Variants in CBLN2 observed in about 807,000 individuals in gnomAD.
The protein encoded by CBLN2 is cerebellin-2.
A neutral mutation model predicts 15.0 loss-of-function variants in CBLN2; 7 were observed. The observed-to-expected ratio is 0.47, with a 90% CI of 0.27 to 0.88. CBLN2 has a LOEUF of 0.88. Among genes scored for constraint, CBLN2 ranks in the 40% least tolerant of loss-of-function variants. The pLI is 0.14. For missense variants in CBLN2, 242 were observed against 304.5 expected (o/e 0.79, Z 1.53); for synonymous variants, 149 against 135.2 (o/e 1.10, Z -0.71).
chr18:72,574,333 T>C (rs1199191463), intron 1 of CBLN2, among the ~76,000 whole-genome samples: 5 of 152,208 alleles, frequency 3.3e-5, no homozygotes, highest in Non-Finnish European at 2.9e-5. Flanking sequence ...AAAGAAATCA[T>C]CGCCACTTAC....
intron 1 of CBLN2, among the ~76,000 whole-genome samples, chr18:72,586,737 C>A (rs1008315429): frequency 6.6e-6 from 1 of 151,994 alleles, no homozygotes; most frequent in Non-Finnish European, 1.5e-5. Flanking sequence ...GAAAAAGGAG[C>A]CATATATTGG....
intron 1 of CBLN2, among the ~76,000 whole-genome samples, chr18:72,603,128 G>T (rs1262079076): frequency 6.6e-6 from 1 of 152,216 alleles, no homozygotes; most frequent in African/African-American, 2.4e-5. Flanking sequence ...CAATCCTTTA[G>T]TTCCATTTCT....
chr18:72,556,381 A>C (rs541376695), intron 1 of CBLN2, among the ~76,000 whole-genome samples: 4 of 152,348 alleles, frequency 2.6e-5, no homozygotes, highest in Non-Finnish European at 5.9e-5. Flanking sequence ...TCTATCAGTG[A>C]ATTTTCTGCC....
At chr18:72,554,853 T>C (rs2069214618) in intron 1 of CBLN2, among the ~76,000 whole-genome samples, 1 of 152,094 alleles carries the variant, frequency 6.6e-6, no homozygotes, top group Non-Finnish European at 1.5e-5. Flanking sequence ...AAAAAATTAG[T>C]GGCCTGGTGC....
intron 1 of CBLN2, among the ~76,000 whole-genome samples, chr18:72,581,543 T>C (rs1159132655): frequency 6.6e-6 from 1 of 152,246 alleles, no homozygotes; most frequent in Non-Finnish European, 1.5e-5. Flanking sequence ...TTGTGTCTTG[T>C]ATATGTTAAC....
intron 1 of CBLN2, among the ~76,000 whole-genome samples, chr18:72,622,333 A>G (rs911936303): frequency 6.6e-6 from 1 of 151,952 alleles, no homozygotes; most frequent in Non-Finnish European, 1.5e-5. Context: ...TTTGAGAATG[A>G]TGCTCATTTA....
chr18:72,606,781 C>G (rs1272829696), intron 1 of CBLN2, among the ~76,000 whole-genome samples: 2 of 152,198 alleles, frequency 1.3e-5, no homozygotes, highest in Non-Finnish European at 2.9e-5. Context: ...GGACAGAAAG[C>G]TGCAGGTCTC....
intron 1 of CBLN2, among the ~76,000 whole-genome samples, chr18:72,621,710 T>A (rs1421072141): frequency 6.6e-6 from 1 of 152,184 alleles, no homozygotes; most frequent in Non-Finnish European, 1.5e-5. Flanking sequence ...GCTCTGGTAA[T>A]CTACTACAGC....
At chr18:72,547,971 A>ATAC (rs1220910000), upstream of CBLN2, among the ~76,000 whole-genome samples, 1 of 152,244 alleles carries the variant, frequency 6.6e-6, no homozygotes, top group Admixed American at 6.5e-5. Context: ...ACCAGAAGAC[A>ATAC]TACCTACATC....
At chr18:72,608,009 C>G (rs530403318) in intron 1 of CBLN2, among the ~76,000 whole-genome samples, 11 of 152,300 alleles carry the variant, frequency 7.2e-5, no homozygotes, top group African/African-American at 2.6e-4. Flanking sequence ...AACAGGCTTG[C>G]AACTTCTTAT....
intron 1 of CBLN2, among the ~76,000 whole-genome samples, chr18:72,568,041 C>T (rs938187206): frequency 1.1e-4 from 16 of 152,108 alleles, no homozygotes; most frequent in African/African-American, 3.9e-4. Flanking sequence ...CACTCAGAAG[C>T]TTTGATTTCA....
chr18:72,621,496 C>T (rs1362886947), intron 1 of CBLN2, among the ~76,000 whole-genome samples: 1 of 152,142 alleles, frequency 6.6e-6, no homozygotes, highest in Non-Finnish European at 1.5e-5. Context: ...AATATTCTGT[C>T]TAAAACCTTT....
At chr18:72,604,834 A>T (rs955794875) in intron 1 of CBLN2, among the ~76,000 whole-genome samples, 1 of 152,254 alleles carries the variant, frequency 6.6e-6, no homozygotes, top group African/African-American at 2.4e-5. Flanking sequence ...CATAACTATA[A>T]GAAATAAATC....
chr18:72,625,812 C>CTATA (rs1356605655), intron 1 of CBLN2, among the ~76,000 whole-genome samples: 890 of 68,846 alleles, frequency 0.013, 8 homozygotes, highest in East Asian at 0.017. Flanking sequence ...CTCTCTCTCT[C>CTATA]TCTCTCTATA....
At chr18:72,613,758 G>A (rs539740364) in intron 1 of CBLN2, among the ~76,000 whole-genome samples, 4 of 152,186 alleles carry the variant, frequency 2.6e-5, no homozygotes, top group South Asian at 2.1e-4. Context: ...TTATTTACAC[G>A]TTTTCCTGAA....
intron 4 of CBLN2, 70 bp from the exon 5 acceptor site, chr18:72,538,443 C>T: frequency 6.5e-7 from 1 of 1,540,120 alleles, no homozygotes. Context: ...CTCTCCTTTG[C>T]CAATATCCCC....
chr18:72,625,812 CTCTCTCTATATATA>C (rs752686989), intron 1 of CBLN2, among the ~76,000 whole-genome samples: 7 of 69,068 alleles, frequency 1.0e-4, no homozygotes, highest in South Asian at 6.2e-4. Flanking sequence ...CTCTCTCTCT[CTCTCTCTATATATA>C]TATATATATA....
chr18:72,618,404 G>A, intron 1 of CBLN2: 1 of 586,306 alleles, frequency 1.7e-6, no homozygotes. Flanking sequence ...AGGCGGTCTT[G>A]AGAGATCCAA....
Position 72,611,468 on chromosome 18 carries a change from G to GT in CBLN2, c.15+26856dup, listed in dbSNP as rs2069621970. Among the ~76,000 whole-genome samples the GT allele has an allele frequency of 2.0e-5, 3 of 152,148 alleles. No individual in the cohort carries two copies. In the South Asian group the frequency reaches 6.2e-4, roughly 32 times the overall value. ...TGGCATGAGATGGTATTTAACCGTG[G>GT]TTTTTATTTACATTTCTGCAATGAT... On this transcript the variant is annotated intron_variant, in intron 1 of 2. Coordinates refer to the CBLN2 transcript ENST00000581073.
Sources: allele counts gnomAD v4.1 joint callset (sites outside exome capture counted in the v4.1 genomes callset), GRCh38; gene constraint gnomAD v4.1.1; transcripts MANE v1.5; gene names NCBI Gene and HGNC (gene_info 2026-07-23, HGNC 2026-07-21).